Variants in RARS1 observed in about 807,000 individuals in gnomAD.
The protein encoded by RARS1 is arginine--tRNA ligase, cytoplasmic.
A neutral mutation model predicts 78.7 loss-of-function variants in RARS1; 75 were observed. That is an observed-to-expected ratio of 0.95 (90% CI 0.79 to 1.15). RARS1 has a LOEUF of 1.15. Ranked by LOEUF, RARS1 falls within the 50% of genes most tolerant of loss-of-function variation. The pLI, the probability that RARS1 is intolerant of heterozygous loss-of-function variation, is 0.00. For synonymous variants in RARS1, 273 were observed against 268.2 expected (o/e 1.02, Z -0.18); for missense variants, 787 against 787.5 (o/e 1.00, Z 0.01).
At chr5:168,516,995 A>G (rs1758678791) in intron 13 of RARS1, 45 bp downstream of exon 13, 1 of 1,545,632 alleles carries the variant, frequency 6.5e-7, no homozygotes, top group African/African-American at 1.4e-5. Flanking sequence ...AAATGAAAGC[A>G]TATTTAGTTA....
At chr5:168,503,178 G>A (rs1561823644) in intron 9 of RARS1, among the ~76,000 whole-genome samples, 1 of 152,188 alleles carries the variant, frequency 6.6e-6, no homozygotes, top group Non-Finnish European at 1.5e-5. Flanking sequence ...AGTATCGTCA[G>A]CTGGATCTGT....
chr5:168,510,285 T>C lies in RARS1; in HGVS notation c.1347-296T>C, dbSNP rs555322422. Among the ~76,000 whole-genome samples the C allele has an allele frequency of 1.4e-4, 22 of 152,322 alleles. No homozygotes were observed. In the South Asian group the frequency reaches 4.6e-3, roughly 32 times the overall value. On this transcript the variant is annotated intron_variant, in intron 11 of 14. Coordinates refer to ENST00000231572, the MANE Select transcript of RARS1 (RefSeq NM_002887.4). ...TTAGGAAACTTATTAAAGGTAAATA[T>C]GTAGAGAGTGCTTTTGAGGGCTAGA...
chr5:168,486,885 G>A (rs977609389), intron 1 of RARS1, among the ~76,000 whole-genome samples: 6 of 152,104 alleles, frequency 3.9e-5, no homozygotes, highest in African/African-American at 9.7e-5. Context: ...TAGGGGATGC[G>A]GGGAGATAGA....
intron 11 of RARS1, 56 bp downstream of exon 11, chr5:168,506,887 T>C: frequency 7.6e-7 from 1 of 1,317,050 alleles, no homozygotes; most frequent in Non-Finnish European, 1.1e-6. Context: ...AGAGGCTACT[T>C]TTCATTTGAT....
intron 13 of RARS1, 152 bp from the exon 14 acceptor site, chr5:168,517,663 C>T (rs2113042096): frequency 1.0e-6 from 1 of 971,006 alleles, no homozygotes; most frequent in Non-Finnish European, 1.4e-6. Context: ...TTAGATCTGG[C>T]TATTAGTTTT....
intron 2 of RARS1, among the ~76,000 whole-genome samples, chr5:168,490,644 C>G (rs766329008): frequency 6.6e-6 from 1 of 152,176 alleles, no homozygotes; most frequent in Non-Finnish European, 1.5e-5. Flanking sequence ...TGGCCATTCA[C>G]CCTGTCGTTT....
chr5:168,508,945 A>T lies in RARS1; in HGVS notation c.1347-1636A>T, dbSNP rs576401579. On this transcript the variant is annotated intron_variant, in intron 11 of 14. Transcript: ENST00000231572. ...TTGTGAAAATACACATGCAAGCCCC[A>T]CTGTGGGAGTTACTGACTTATTAGG... is the stretch of plus-strand genomic sequence containing the variant. 3.0e-4 allele frequency among the ~76,000 whole-genome samples: 45 copies of T among 152,122 alleles called. 1 individual carries two copies. The East Asian group carries it at 5.8e-3, about 20-fold the overall frequency.
intron 7 of RARS1, among the ~76,000 whole-genome samples, chr5:168,500,061 G>A (rs1194825721): frequency 2.0e-5 from 3 of 151,846 alleles, no homozygotes; most frequent in Non-Finnish European, 4.4e-5. Context: ...GATGGCTTGT[G>A]CCTGTAATCC....
chr5:168,490,967 T>C (rs1032592253), intron 2 of RARS1, among the ~76,000 whole-genome samples: 8 of 151,964 alleles, frequency 5.3e-5, no homozygotes, highest in Non-Finnish European at 1.0e-4. Flanking sequence ...CAAAACCCTG[T>C]CTCTACTAAA....
chr5:168,492,647 C>G lies in RARS1; in HGVS notation c.181-12C>G, dbSNP rs1561819500. On this transcript the variant is annotated splice_polypyrimidine_tract_variant and intron_variant, in intron 2 of 14. Transcript: ENST00000231572. ...CGTACATTATTGACATGTTTCCATT[C>G]TTTTCCTACAGAGTCTTCAGGCAGA... is the stretch of plus-strand genomic sequence containing the variant. 1 of 1,563,542 alleles carries G rather than the reference C, an allele frequency of 6.4e-7. No individual in the cohort carries two copies. The highest frequency in any genetic ancestry group is 8.8e-7 in the Non-Finnish European group (1 of 1,137,726).
chr5:168,503,613 T>C (rs1404227861), intron 9 of RARS1, among the ~76,000 whole-genome samples: 10 of 94,524 alleles, frequency 1.1e-4, no homozygotes, highest in Non-Finnish European at 1.8e-4. Context: ...TTCAACCCCT[T>C]TGGTAGTTAG....
At position 168,488,701 on chromosome 5, in the gene RARS1, T is replaced by G. The variant is rs897341192; in HGVS notation, c.145T>G (p.Leu49Val). The G allele has an allele frequency of 6.2e-7, 1 of 1,611,062 alleles. No individual in the cohort carries two copies. Among genetic ancestry groups the G allele is most frequent in the Non-Finnish European group, 8.5e-7 (1 of 1,179,236 alleles). ...TTTGGAGCAGTTACAAGAAGAAAAT[T>G]TAAAATTAAAGTATCGACTGAATAT... is the stretch of plus-strand genomic sequence containing the variant. Reference protein sequence around the residue: ...PNLEQLQEENLKLKYRLNILR... With the variant: ...PNLEQLQEENVKLKYRLNILR... Residue 49 changes from leucine (L) to valine (V), a missense_variant, in exon 2 of 15, where the codon TTA becomes GTA. Physicochemically the swap from Leu to Val is conservative, Grantham distance 32. Transcript: ENST00000231572.
chr5:168,495,466 C>G (rs1447062448), intron 6 of RARS1, 30 bp downstream of exon 6: 15 of 1,588,344 alleles, frequency 9.4e-6, no homozygotes, highest in Non-Finnish European at 1.3e-5. Context: ...GTACTATTCT[C>G]TTTCCTTATT....
chr5:168,517,301 C>G (rs11958018), intron 13 of RARS1, among the ~76,000 whole-genome samples: 2 of 152,134 alleles, frequency 1.3e-5, no homozygotes, highest in African/African-American at 4.8e-5. Flanking sequence ...CACCACCATG[C>G]CCAGCTAAAT....
chr5:168,505,598 G>C (rs985399918), intron 9 of RARS1, among the ~76,000 whole-genome samples: 2 of 151,926 alleles, frequency 1.3e-5, no homozygotes, highest in Non-Finnish European at 1.5e-5. Context: ...GGGAGGCCAG[G>C]CATGGTGGCT....
intron 8 of RARS1, among the ~76,000 whole-genome samples, chr5:168,501,059 T>C (rs1371885647): frequency 1.3e-5 from 2 of 152,132 alleles, no homozygotes; most frequent in African/African-American, 4.8e-5. Flanking sequence ...AAGTGTACAA[T>C]GAGATGTAAT....
In RARS1 at chr5:168,486,479, A is replaced by C. The variant is rs377683835; in HGVS notation, c.-20A>C. ...CGTTTCCGCTTCCGTCCACTTGGCGAGTGAGACGCTGATGGGAGGATGGAC... is the reference window on the plus strand; with the variant it reads ...CGTTTCCGCTTCCGTCCACTTGGCGCGTGAGACGCTGATGGGAGGATGGAC... On this transcript the variant is annotated 5_prime_UTR_variant, in exon 1 of 15. Transcript: ENST00000231572. The C allele has an allele frequency of 5.8e-6, 9 of 1,555,396 alleles. No homozygotes were observed. In the African/African-American group the frequency reaches 1.2e-4, roughly 21 times the overall value.
At chr5:168,490,371 A>G (rs1758057981) in intron 2 of RARS1, among the ~76,000 whole-genome samples, 1 of 152,088 alleles carries the variant, frequency 6.6e-6, no homozygotes, top group African/African-American at 2.4e-5. Flanking sequence ...ATACAAAAGG[A>G]AGTACAGTAT....
In RARS1 at chr5:168,519,160, C is replaced by T. The variant is rs1433063805; in HGVS notation, c.1953C>T (p.Ile651=). 1 of 1,613,770 alleles carries T rather than the reference C, an allele frequency of 6.2e-7. No homozygotes were observed. Among genetic ancestry groups the T allele is most frequent in the Admixed American group, 1.7e-5 (1 of 60,000 alleles). Residue 651 remains isoleucine, a synonymous_variant, in exon 15 of 15, where the codon ATC becomes ATT. Coordinates refer to ENST00000231572, the MANE Select transcript of RARS1 (RefSeq NM_002887.4). Reference sequence around the variant, plus strand: ...CTGTCATGGCCAAGGGGTTTGATATCCTGGGAATAAAACCTGTCCAAAGGA... The same window carrying T: ...CTGTCATGGCCAAGGGGTTTGATATTCTGGGAATAAAACCTGTCCAAAGGA... ...VAAVMAKGFD[I]LGIKPVQRM
Sources: allele counts gnomAD v4.1 joint callset (sites outside exome capture counted in the v4.1 genomes callset), GRCh38; gene constraint gnomAD v4.1.1; transcripts MANE v1.5; gene names NCBI Gene and HGNC (gene_info 2026-07-23, HGNC 2026-07-21).